GPRC5C: variants seen among roughly 807,000 people sequenced by gnomAD.
The protein encoded by GPRC5C is G protein-coupled receptor family C group 5 member C.
Under a neutral mutation model 31.4 loss-of-function variants are expected in GPRC5C, and 22 were observed. The observed-to-expected ratio is 0.70, with a 90% CI of 0.50 to 1.00. GPRC5C has a LOEUF of 1.00. Ranked by LOEUF, GPRC5C falls within the 50% of genes least tolerant of loss-of-function variation. The probability of loss-of-function intolerance (pLI) is 0.00; values close to 1 mark genes in which losing one functional copy is unlikely to be tolerated. For missense variants in GPRC5C, 557 were observed against 597.2 expected, an observed-to-expected ratio of 0.93 and a Z score of 0.70; for synonymous variants, 249 against 257.5, an observed-to-expected ratio of 0.97 and a Z score of 0.32.
At position 74,440,716 on chromosome 17, in the gene GPRC5C, G is replaced by A. The variant is rs374443973; in HGVS notation, c.940G>A (p.Gly314Arg). ...TKSSPEQSYQ[G>R]DMYPTRGVGY... The stretch of plus-strand genomic sequence containing the variant: ...GTCCAGCCCAGAGCAAAGCTACCAG[G>A]GGGACATGTACCCCACCCGGGGCGT... Residue 314 changes from glycine (G) to arginine (R), a missense_variant, in exon 2 of 4, where the codon GGG becomes AGG. Gly to Arg is a moderately radical substitution (Grantham distance 125). Coordinates refer to ENST00000392627, the MANE Select transcript of GPRC5C (RefSeq NM_022036.4). This position sits in a 1 kb window ranked among gnomAD's most constrained non-coding sequence, Gnocchi z 4.4. 111 of 1,603,798 alleles carry A rather than the reference G, an allele frequency of 6.9e-5. No individual in the cohort carries two copies. The highest frequency in any genetic ancestry group is 8.7e-5 in the Non-Finnish European group (102 of 1,172,600).
intron 2 of GPRC5C, among the ~76,000 whole-genome samples, chr17:74,442,627 T>C (rs2055558359): frequency 6.6e-6 from 1 of 152,252 alleles, no homozygotes; most frequent in African/African-American, 2.4e-5. Context: ...CTGGGGTCTC[T>C]GCTGGGAGGT....
At chr17:74,436,291 C>T (rs543418365) in intron 1 of GPRC5C, among the ~76,000 whole-genome samples, 1 of 152,204 alleles carries the variant, frequency 6.6e-6, no homozygotes, top group African/African-American at 2.4e-5. Flanking sequence ...CGTCCCTCTC[C>T]TTGTTCCCTT....
In GPRC5C at chr17:74,440,848, C is replaced by T. The variant is rs780297859; in HGVS notation, c.1051+21C>T. The T allele has an allele frequency of 6.9e-7, 1 of 1,447,844 alleles. No individual in the cohort carries two copies. The highest frequency in any genetic ancestry group is 1.4e-5 in the African/African-American group (1 of 70,252). The allele number at this position is 1,447,844 out of a possible 1,614,324, so 89.7% of individuals were successfully genotyped here. On this transcript the variant is annotated intron_variant, in intron 2 of 3. Transcript: ENST00000392627. This position sits in a 1 kb window ranked among gnomAD's most constrained non-coding sequence, Gnocchi z 4.4. ...TGCAGGTGGGTCTCTGTGGATGCCC[C>T]CAGTGGCCCCTTTCTCCATCCCATG...
At chr17:74,450,548 G>A (rs753049528), downstream of GPRC5C, 8 of 152,222 alleles carry the variant, frequency 5.3e-5, no homozygotes, top group Admixed American at 2.0e-4. Context: ...TCAGGTAAGC[G>A]GGATCCAGAA....
rs563516329 is a variant in GPRC5C, at chr17:74,446,760, C to A, written c.1147-89C>A. On this transcript the variant is annotated intron_variant, in intron 3 of 3. Transcript: ENST00000392627. ...GGGGAGTTGGGGGGGATCTGGCAGTCCCAGCCCTGCAGGAAGTGTTTGTGC... is the reference window on the plus strand; with the variant it reads ...GGGGAGTTGGGGGGGATCTGGCAGTACCAGCCCTGCAGGAAGTGTTTGTGC... 65 of 1,045,690 alleles carry A rather than the reference C, an allele frequency of 6.2e-5. No homozygotes were observed. The African/African-American group carries it at 8.8e-4, about 14-fold the overall frequency. The allele number at this position is 1,045,690 out of a possible 1,614,324, so 64.8% of individuals were successfully genotyped here. A position where few individuals can be genotyped will look rare whatever the true frequency, so the allele number is the denominator to read the frequency against.
At chr17:74,449,410 C>T (rs2144459973), downstream of GPRC5C, 4 of 1,200,146 alleles carry the variant, frequency 3.3e-6, no homozygotes, top group East Asian at 1.1e-4. Flanking sequence ...ATCCTCATTC[C>T]TCTGTACCCA....
At chr17:74,442,922 C>A (rs138265583) in intron 2 of GPRC5C, among the ~76,000 whole-genome samples, 1,905 of 152,190 alleles carry the variant, frequency 0.013, 44 homozygotes, top group African/African-American at 0.043. Flanking sequence ...ACACTGAATG[C>A]CGGTCGGGGC....
chr17:74,449,249 TG>T, downstream of GPRC5C: 2 of 676,790 alleles, frequency 3.0e-6, no homozygotes, highest in Non-Finnish European at 4.7e-6. Flanking sequence ...TCCTGGGGAC[TG>T]AAACACTATT....
At chr17:74,432,526 A>G in intron 1 of GPRC5C, 1 of 1,003,828 alleles carries the variant, frequency 1.0e-6, no homozygotes, top group Non-Finnish European at 1.2e-6. Context: ...AGTCCCAGGT[A>G]AGGGCTGCTG....
downstream of GPRC5C, chr17:74,449,357 C>G: frequency 7.7e-7 from 1 of 1,302,026 alleles, no homozygotes; most frequent in Non-Finnish European, 1.0e-6. Context: ...CAAAGTAAAA[C>G]GAGATGGTAG....
At chr17:74,434,846 C>T (rs2055408309) in intron 1 of GPRC5C, among the ~76,000 whole-genome samples, 1 of 151,470 alleles carries the variant, frequency 6.6e-6, no homozygotes, top group Non-Finnish European at 1.5e-5. Context: ...TTGCTTGAAC[C>T]TGGGAGTTGG....
At chr17:74,451,619 C>A (rs906353342), downstream of GPRC5C, 2 of 151,918 alleles carry the variant, frequency 1.3e-5, no homozygotes, top group African/African-American at 4.8e-5. Flanking sequence ...CAGAATTAAA[C>A]GACCTTACCT....
intron 2 of GPRC5C, among the ~76,000 whole-genome samples, chr17:74,441,532 T>G (rs1417472420): frequency 6.6e-6 from 1 of 152,074 alleles, no homozygotes; most frequent in Non-Finnish European, 1.5e-5. Context: ...AGGATTGAAT[T>G]AATTAGTGCC....
At position 74,440,375 on chromosome 17, in the gene GPRC5C, C is replaced by G. The variant is rs1383596187; in HGVS notation, c.599C>G (p.Ser200Cys). 6.2e-7 allele frequency: 1 copy of G among 1,614,076 alleles called. No homozygotes were observed. Among genetic ancestry groups the G allele is most frequent in the Non-Finnish European group, 8.5e-7 (1 of 1,179,998 alleles). Residue 200 changes from serine to cysteine, a missense_variant, in exon 2 of 4, where the codon TCC (serine) becomes TGC (cysteine). Ser to Cys is a moderately radical substitution (Grantham distance 112). Transcript: ENST00000392627. The surrounding 1 kb of genome is among the most constrained non-coding windows in gnomAD (Gnocchi z 4.4). ...GNSSAGWAVA[S>C]PCAIANMDFV... ...AGCAGCGCAGGCTGGGCCGTGGCCTCCCCCTGTGCCATCGCCAACATGGAC... is the reference window on the plus strand; with the variant it reads ...AGCAGCGCAGGCTGGGCCGTGGCCTGCCCCTGTGCCATCGCCAACATGGAC...
At chr17:74,432,556 G>C (rs1322679437) in intron 1 of GPRC5C, 3 of 986,286 alleles carry the variant, frequency 3.0e-6, no homozygotes, top group East Asian at 1.1e-4. Context: ...TCCGCCGCCC[G>C]GAAGAGTCGG....
Position 74,440,697 on chromosome 17 carries a change from C to T in GPRC5C, c.921C>T (p.Ser307=). 1.2e-6 allele frequency: 2 copies of T among 1,607,580 alleles called. No homozygotes were observed. Among genetic ancestry groups the T allele is most frequent in the Non-Finnish European group, 1.7e-6 (2 of 1,174,938 alleles). The change falls in exon 2 of 4, where the codon AGC becomes AGT. Residue 307 remains serine, a synonymous_variant. Coordinates refer to ENST00000392627, the MANE Select transcript of GPRC5C (RefSeq NM_022036.4). The surrounding 1 kb of genome is among the most constrained non-coding windows in gnomAD (Gnocchi z 4.4). ...AGGTCTCCCAGGTGACCAAGTCCAG[C>T]CCAGAGCAAAGCTACCAGGGGGACA... ...IPEVSQVTKS[S]PEQSYQGDMY...
chr17:74,440,980 A>AT lies in GPRC5C; in HGVS notation c.1051+164dup, dbSNP rs11443312. ...TCTCTAAATTCCATTTAATTTAAAGATTTTTTTTTTTCAGTTGGGCATGGT... is the reference window on the plus strand; with the variant it reads ...TCTCTAAATTCCATTTAATTTAAAGATTTTTTTTTTTTCAGTTGGGCATGGT... On this transcript the variant is annotated intron_variant, in intron 2 of 3. Transcript: ENST00000392627. This position sits in a 1 kb window ranked among gnomAD's most constrained non-coding sequence, Gnocchi z 4.4. 0.63 allele frequency among the ~76,000 whole-genome samples: 94,297 copies of AT among 149,636 alleles called. 34,906 individuals are homozygous for AT. Among genetic ancestry groups the AT allele is most frequent in the Non-Finnish European group, 0.81 (54,372 of 67,430 alleles).
chr17:74,442,462 C>T (rs548236809), intron 2 of GPRC5C, among the ~76,000 whole-genome samples: 1 of 152,312 alleles, frequency 6.6e-6, no homozygotes, highest in East Asian at 1.9e-4. Flanking sequence ...ATCCCACCTG[C>T]TCTTCCTCAG....
intron 2 of GPRC5C, among the ~76,000 whole-genome samples, chr17:74,441,522 AG>A (rs2055539435): frequency 6.6e-6 from 1 of 152,054 alleles, no homozygotes; most frequent in South Asian, 2.1e-4. Context: ...GGTTCTTGTG[AG>A]GATTGAATTA....
Sources: allele counts gnomAD v4.1 joint callset (sites outside exome capture counted in the v4.1 genomes callset), GRCh38; gene constraint gnomAD v4.1.1; non-coding constraint Gnocchi (gnomAD v3.1); transcripts MANE v1.5; gene names NCBI Gene and HGNC (gene_info 2026-07-23, HGNC 2026-07-21).